Variants in MYOF observed in about 807,000 individuals in gnomAD.
MYOF encodes fer-1-like 3, myoferlin.
MYOF carries 244 observed loss-of-function variants against 284.2 expected under a neutral mutation model. That is an observed-to-expected ratio of 0.86 (90% CI 0.77 to 0.95). The LOEUF (loss-of-function observed/expected upper bound fraction) is 0.95, where lower values mean the gene tolerates loss of function less well. MYOF is among the 40% of genes least tolerant of loss of function. MYOF has a pLI of 0.00. For synonymous variants in MYOF, 904 were observed against 919.7 expected, an observed-to-expected ratio of 0.98 and a Z score of 0.31; for missense variants, 2,496 against 2,560.6, an observed-to-expected ratio of 0.97 and a Z score of 0.54.
intron 1 of MYOF, among the ~76,000 whole-genome samples, chr10:93,469,558 G>A (rs2057090407): frequency 6.6e-6 from 1 of 152,228 alleles, no homozygotes; most frequent in African/African-American, 2.4e-5. Flanking sequence ...TGAGACCAGA[G>A]ATGTCCAGCT....
chr10:93,392,884 A>T, intron 17 of MYOF, 33 bp downstream of exon 17: 1 of 1,584,424 alleles, frequency 6.3e-7, no homozygotes, highest in Admixed American at 1.7e-5. Context: ...AGCTAGGAAG[A>T]TATAACAGAG....
intron 35 of MYOF, among the ~76,000 whole-genome samples, chr10:93,350,996 C>A (rs1370452351): frequency 2.6e-5 from 4 of 152,188 alleles, no homozygotes; most frequent in Admixed American, 2.6e-4. Flanking sequence ...TAGATGCCCT[C>A]AGGAATGTTA....
chr10:93,452,286 T>G, intron 2 of MYOF, 145 bp from the exon 3 acceptor site: 2 of 672,414 alleles, frequency 3.0e-6, no homozygotes, highest in South Asian at 3.6e-5. Flanking sequence ...ATGATTAAAT[T>G]CTAAACCTGA....
chr10:93,385,058 A>G (rs1352292534), intron 19 of MYOF, among the ~76,000 whole-genome samples: 1 of 152,186 alleles, frequency 6.6e-6, no homozygotes, highest in Non-Finnish European at 1.5e-5. Flanking sequence ...AGGAGATTGT[A>G]GTTGAGTAGG....
At chr10:93,449,068 A>G (rs1413691988) in intron 3 of MYOF, among the ~76,000 whole-genome samples, 1 of 152,146 alleles carries the variant, frequency 6.6e-6, no homozygotes, top group Non-Finnish European at 1.5e-5. Context: ...CATCCTGTCC[A>G]ATATGGTGGC....
At chr10:93,365,915 T>C (rs1845303915) in intron 26 of MYOF, among the ~76,000 whole-genome samples, 1 of 152,228 alleles carries the variant, frequency 6.6e-6, no homozygotes, top group African/African-American at 2.4e-5. Context: ...CCTCTTCATG[T>C]TACTCTGTGG....
chr10:93,469,936 A>G (rs1468030489), intron 1 of MYOF, among the ~76,000 whole-genome samples: 2 of 152,118 alleles, frequency 1.3e-5, no homozygotes, highest in Non-Finnish European at 2.9e-5. Flanking sequence ...TGGTGAGAAA[A>G]TAAAGGAGTA....
At position 93,409,608 on chromosome 10, in the gene MYOF, G is replaced by A. The variant is rs771623993; in HGVS notation, c.565C>T (p.Arg189Trp). Residue 189 changes from arginine (R) to tryptophan (W), a missense_variant, in exon 6 of 54, where the codon CGG (arginine) becomes TGG (tryptophan). Physicochemically the swap from Arg to Trp is moderately radical, Grantham distance 101. Transcript: ENST00000359263. Reference sequence around the variant, plus strand: ...TGTGGCTTATTTGACAGCATCCGCCGGCTGTTCTTTACTTTGGTGAGCCTC... The same window carrying A: ...TGTGGCTTATTTGACAGCATCCGCCAGCTGTTCTTTACTTTGGTGAGCCTC... ...ARRLTKVKNS[R>W]RMLSNKPQDF... is the part of the protein sequence containing the mutation. The A allele has an allele frequency of 2.7e-5, 43 of 1,613,958 alleles. No homozygotes were observed. Among genetic ancestry groups the A allele is most frequent in the East Asian group, 4.5e-5 (2 of 44,892 alleles).
chr10:93,446,196 G>A (rs572825183), intron 3 of MYOF, among the ~76,000 whole-genome samples: 7,262 of 152,120 alleles, frequency 0.048, 566 homozygotes, highest in African/African-American at 0.16. Flanking sequence ...AGCTGACGCA[G>A]GGTCGGCCTT....
At chr10:93,449,786 T>C (rs2056539119) in intron 3 of MYOF, among the ~76,000 whole-genome samples, 1 of 151,130 alleles carries the variant, frequency 6.6e-6, no homozygotes, top group Admixed American at 6.6e-5. Context: ...CCACCACACC[T>C]GGCCCAGAAT....
intron 15 of MYOF, among the ~76,000 whole-genome samples, chr10:93,397,020 C>T (rs148118011): frequency 9.9e-5 from 15 of 152,266 alleles, no homozygotes; most frequent in African/African-American, 3.6e-4. Flanking sequence ...ATTTTCAGCA[C>T]GTTCCCCTTC....
intron 1 of MYOF, among the ~76,000 whole-genome samples, chr10:93,462,296 C>T (rs2056903120): frequency 6.6e-6 from 1 of 152,128 alleles, no homozygotes; most frequent in South Asian, 2.1e-4. Flanking sequence ...TCTCGAACTC[C>T]TGACCTCAAG....
At position 93,361,306 on chromosome 10, in the gene MYOF, TG is replaced by T; in HGVS notation, c.2974+145del. On this transcript the variant is annotated intron_variant, in intron 28 of 53. Coordinates refer to ENST00000359263, the MANE Select transcript of MYOF (RefSeq NM_013451.4). ...GTGCGGCCTTGTTCCTAAAAGGCCA[TG>T]AACTGGTACCAGTCTGGCCTGGGGG... is the stretch of plus-strand genomic sequence containing the variant. 4 of 705,006 alleles carry T rather than the reference TG, an allele frequency of 5.7e-6. No homozygotes were observed. The East Asian group carries it at 1.1e-4, about 19-fold the overall frequency. 43.7% of individuals were successfully genotyped at this position (705,006 alleles called of 1,614,324 possible). A position where few individuals can be genotyped will look rare whatever the true frequency, so the allele number is the denominator to read the frequency against.
chr10:93,430,723 G>A (rs1317156303), intron 4 of MYOF, among the ~76,000 whole-genome samples: 1 of 152,060 alleles, frequency 6.6e-6, no homozygotes, highest in African/African-American at 2.4e-5. Context: ...ACACCCACAT[G>A]GCTAAGCACA....
intron 7 of MYOF, among the ~76,000 whole-genome samples, chr10:93,406,900 G>T (rs1402862169): frequency 6.6e-6 from 1 of 152,146 alleles, no homozygotes; most frequent in East Asian, 1.9e-4. Context: ...GGAATGAAGA[G>T]GTAGTGTGGT....
At chr10:93,331,334 C>T (rs1156983597) in intron 43 of MYOF, among the ~76,000 whole-genome samples, 2 of 152,190 alleles carry the variant, frequency 1.3e-5, no homozygotes, top group Non-Finnish European at 2.9e-5. Flanking sequence ...ATCTCCTTGG[C>T]TCCACCCTGC....
intron 32 of MYOF, among the ~76,000 whole-genome samples, chr10:93,352,480 A>G (rs1044679563): frequency 2.0e-5 from 3 of 152,232 alleles, no homozygotes; most frequent in African/African-American, 7.2e-5. Context: ...TAGAGTTTAC[A>G]ATCTGTGACA....
rs1847073359 is a variant in MYOF at position 93,397,443 on chromosome 10, A to G, written c.1235T>C (p.Ile412Thr). The change falls in exon 14 of 54, where the codon ATA becomes ACA. Residue 412 changes from isoleucine (I) to threonine (T), a missense_variant. Ile to Thr is a moderately conservative substitution (Grantham distance 89, BLOSUM62 -1). Transcript: ENST00000359263. Reference sequence around the variant, plus strand: ...CTCTGGGTTTGCATTTTTCTCAATTATGTTTGTACAAACCTGTAAAATCAC... The same window carrying G: ...CTCTGGGTTTGCATTTTTCTCAATTGTGTTTGTACAAACCTGTAAAATCAC... ...SFAGKKVCTNIIEKNANPEWN... is the reference protein window; with the variant it reads ...SFAGKKVCTNTIEKNANPEWN... 6.2e-7 allele frequency: 1 copy of G among 1,610,030 alleles called. No homozygotes were observed. Among genetic ancestry groups the G allele is most frequent in the Non-Finnish European group, 8.5e-7 (1 of 1,178,980 alleles).
intron 48 of MYOF, among the ~76,000 whole-genome samples, chr10:93,322,193 T>C (rs1347335007): frequency 6.6e-6 from 1 of 152,210 alleles, no homozygotes; most frequent in Non-Finnish European, 1.5e-5. Flanking sequence ...GAAGGCCACA[T>C]GGGATTATAG....
Sources: allele counts gnomAD v4.1 joint callset (sites outside exome capture counted in the v4.1 genomes callset), GRCh38; gene constraint gnomAD v4.1.1; transcripts MANE v1.5; gene names NCBI Gene and HGNC (gene_info 2026-07-23, HGNC 2026-07-21).